The following EML4 variants were observed in gnomAD, a reference collection of about 807,000 sequenced individuals.
The protein encoded by EML4 is echinoderm microtubule-associated protein-like 4.
In EML4, 72 loss-of-function variants were observed where a neutral mutation model predicts 129.0. That is an observed-to-expected ratio of 0.56 (90% CI 0.46 to 0.68). The LOEUF (loss-of-function observed/expected upper bound fraction) is 0.68. Among genes scored for constraint, EML4 ranks in the 30% least tolerant of loss-of-function variants. EML4 has a pLI of 0.00. For synonymous variants in EML4, 532 were observed against 405.0 expected, an observed-to-expected ratio of 1.31 and a Z score of -3.77; for missense variants, 1,363 against 1,190.6, an observed-to-expected ratio of 1.14 and a Z score of -2.13.
At chr2:42,317,393 T>C in intron 18 of EML4, 34 bp from the exon 19 acceptor site, 1 of 1,282,462 alleles carries the variant, frequency 7.8e-7, no homozygotes, top group Non-Finnish European at 1.1e-6. Flanking sequence ...TATCAGTATA[T>C]TTCTCTAGTC....
intron 1 of EML4, among the ~76,000 whole-genome samples, chr2:42,204,630 A>C (rs550555396): frequency 6.6e-6 from 1 of 152,316 alleles, no homozygotes; most frequent in Admixed American, 6.5e-5. Context: ...AATGTAAAAA[A>C]TCATTCTTAG....
At chr2:42,194,344 TCTC>T (rs1408099356) in intron 1 of EML4, among the ~76,000 whole-genome samples, 88 of 107,392 alleles carry the variant, frequency 8.2e-4, no homozygotes, top group Middle Eastern at 4.1e-3. Flanking sequence ...CTTCTCTCTC[TCTC>T]TTTTTTTTTT....
At chr2:42,216,879 C>T (rs1000230885) in intron 1 of EML4, among the ~76,000 whole-genome samples, 11 of 152,116 alleles carry the variant, frequency 7.2e-5, no homozygotes, top group Non-Finnish European at 1.6e-4. Flanking sequence ...CTCTGACTCA[C>T]ACCCTTAAGT....
intron 2 of EML4, among the ~76,000 whole-genome samples, chr2:42,248,912 G>C (rs537415890): frequency 6.6e-6 from 1 of 152,170 alleles, no homozygotes; most frequent in African/African-American, 2.4e-5. Flanking sequence ...GGAAAAATAT[G>C]TCCAACTAAT....
intron 1 of EML4, among the ~76,000 whole-genome samples, chr2:42,190,641 G>C (rs919993835): frequency 4.6e-5 from 7 of 152,170 alleles, no homozygotes; most frequent in African/African-American, 1.7e-4. Flanking sequence ...GTAGAGACTA[G>C]ATGAAATTAC....
chr2:42,242,836 C>G (rs554931005), intron 1 of EML4, among the ~76,000 whole-genome samples: 1 of 151,944 alleles, frequency 6.6e-6, no homozygotes, highest in East Asian at 1.9e-4. Context: ...GTAATTAAAA[C>G]TCACTGAATC....
At chr2:42,293,234 C>T (rs1410882359) in intron 11 of EML4, among the ~76,000 whole-genome samples, 2 of 151,928 alleles carry the variant, frequency 1.3e-5, no homozygotes, top group African/African-American at 4.8e-5. Flanking sequence ...CTCAGCCTCC[C>T]AAGTAGCTAA....
At chr2:42,170,304 G>T (rs1226614014) in intron 1 of EML4, 5 of 152,290 alleles carry the variant, frequency 3.3e-5, no homozygotes, top group African/African-American at 1.2e-4. Context: ...AAAGGAAGAG[G>T]TGCATCTGTG....
chr2:42,221,403 CTTTTTTTTTT>C (rs74816568), intron 1 of EML4, among the ~76,000 whole-genome samples: 86 of 108,242 alleles, frequency 7.9e-4, no homozygotes, highest in Admixed American at 1.1e-3. Flanking sequence ...ACATGGTTTA[CTTTTTTTTTT>C]TTTTTTTTTT....
At chr2:42,320,066 G>C (rs150523146) in intron 19 of EML4, 73 of 152,314 alleles carry the variant, frequency 4.8e-4, no homozygotes, top group African/African-American at 1.3e-3. Context: ...ATGTGGAAAT[G>C]TCAGTTGAAA....
At chr2:42,192,346 T>C (rs1572854310) in intron 1 of EML4, among the ~76,000 whole-genome samples, 1 of 151,668 alleles carries the variant, frequency 6.6e-6, no homozygotes, top group South Asian at 2.1e-4. Flanking sequence ...TTCAAGAGAT[T>C]CTCCCGCCTC....
At chr2:42,271,252 C>T (rs1057257066) in intron 6 of EML4, among the ~76,000 whole-genome samples, 1 of 152,172 alleles carries the variant, frequency 6.6e-6, no homozygotes, top group African/African-American at 2.4e-5. Flanking sequence ...ACTTGGATCC[C>T]TACATCTGGG....
At chr2:42,266,784 C>G (rs1385658899) in intron 6 of EML4, among the ~76,000 whole-genome samples, 1 of 151,938 alleles carries the variant, frequency 6.6e-6, no homozygotes, top group African/African-American at 2.4e-5. Context: ...GACAATGTCT[C>G]TGAGTGGTTT....
At chr2:42,312,882 A>G (rs765595550) in intron 17 of EML4, among the ~76,000 whole-genome samples, 2 of 148,918 alleles carry the variant, frequency 1.3e-5, no homozygotes, top group African/African-American at 2.5e-5. Flanking sequence ...AAATCTGCCT[A>G]TAACCTGGAA....
chr2:42,208,016 A>G (rs895681831), intron 1 of EML4: 10 of 152,212 alleles, frequency 6.6e-5, no homozygotes, highest in Non-Finnish European at 1.3e-4. Flanking sequence ...GTCGGACATC[A>G]GTATGCGAGA....
intron 1 of EML4, among the ~76,000 whole-genome samples, chr2:42,171,807 T>G (rs1392368226): frequency 1.3e-5 from 2 of 152,180 alleles, no homozygotes; most frequent in African/African-American, 4.8e-5. Flanking sequence ...TGCTTTCTCT[T>G]TCTGTCCCCC....
chr2:42,291,731 G>C (rs1430822396), intron 11 of EML4, among the ~76,000 whole-genome samples: 1 of 152,084 alleles, frequency 6.6e-6, no homozygotes, highest in Non-Finnish European at 1.5e-5. Flanking sequence ...AAGAGTGTGA[G>C]AAAATATTTG....
intron 2 of EML4, among the ~76,000 whole-genome samples, chr2:42,246,290 C>G (rs1337506628): frequency 6.6e-6 from 1 of 152,050 alleles, no homozygotes; most frequent in Non-Finnish European, 1.5e-5. Flanking sequence ...CTTCAACCAC[C>G]AAGAAAGAAT....
At chr2:42,253,040 A>G (rs547031437) in intron 2 of EML4, among the ~76,000 whole-genome samples, 1 of 152,196 alleles carries the variant, frequency 6.6e-6, no homozygotes, top group Non-Finnish European at 1.5e-5. Context: ...TGATTGGTGC[A>G]TGGATGATGA....
Sources: allele counts gnomAD v4.1 joint callset (sites outside exome capture counted in the v4.1 genomes callset), GRCh38; gene constraint gnomAD v4.1.1; transcripts MANE v1.5; gene names NCBI Gene and HGNC (gene_info 2026-07-23, HGNC 2026-07-21).